RPAP3: variants seen among roughly 807,000 people sequenced by gnomAD.
RPAP3 encodes RNA polymerase II associated protein 3.
Under a neutral mutation model 88.8 loss-of-function variants are expected in RPAP3, and 58 were observed. The ratio of observed to expected loss-of-function variants is 0.65; its 90% CI spans 0.53 to 0.81. The LOEUF is 0.81. Among genes scored for constraint, RPAP3 ranks in the 40% least tolerant of loss-of-function variants. The pLI, the probability that RPAP3 is intolerant of heterozygous loss-of-function variation, is 0.00. For synonymous variants in RPAP3, 255 were observed against 259.9 expected, an observed-to-expected ratio of 0.98 and a Z score of 0.18; for missense variants, 751 against 764.3, an observed-to-expected ratio of 0.98 and a Z score of 0.20.
intron 15 of RPAP3, among the ~76,000 whole-genome samples, chr12:47,667,320 T>C (rs889184240): frequency 1.7e-4 from 26 of 152,204 alleles, no homozygotes; most frequent in African/African-American, 5.5e-4. Context: ...GTCATTTCCA[T>C]ACCCTACTTT....
At chr12:47,671,188 A>G (rs1362304794) in intron 12 of RPAP3, among the ~76,000 whole-genome samples, 2 of 152,190 alleles carry the variant, frequency 1.3e-5, no homozygotes, top group African/African-American at 4.8e-5. Context: ...TCTTCACTAT[A>G]TCATCATACC....
intron 12 of RPAP3, among the ~76,000 whole-genome samples, chr12:47,677,826 G>C (rs1939147372): frequency 6.6e-6 from 1 of 152,142 alleles, no homozygotes; most frequent in African/African-American, 2.4e-5. Context: ...ACTGCCCAAA[G>C]TAATTTATAG....
intron 9 of RPAP3, among the ~76,000 whole-genome samples, chr12:47,682,913 C>T (rs1442537202): frequency 3.3e-5 from 5 of 152,096 alleles, no homozygotes; most frequent in Non-Finnish European, 1.5e-5. Flanking sequence ...ACCTGCATGG[C>T]CCCCATACTT....
chr12:47,682,535 T>G (rs970459904), intron 9 of RPAP3, among the ~76,000 whole-genome samples: 17 of 152,188 alleles, frequency 1.1e-4, no homozygotes, highest in Admixed American at 9.2e-4. Context: ...CGTCATAATG[T>G]TTATGATTTG....
At chr12:47,704,681 AT>A (rs1939741186) in intron 1 of RPAP3, among the ~76,000 whole-genome samples, 1 of 151,234 alleles carries the variant, frequency 6.6e-6, no homozygotes, top group South Asian at 2.1e-4. Flanking sequence ...CCTGACCTCT[AT>A]TTAGAGTTTC....
At chr12:47,689,832 A>G (rs1432603619) in intron 6 of RPAP3, among the ~76,000 whole-genome samples, 1 of 152,134 alleles carries the variant, frequency 6.6e-6, no homozygotes, top group African/African-American at 2.4e-5. Flanking sequence ...ACCTGAAGTC[A>G]GGAGTCAAGA....
intron 12 of RPAP3, among the ~76,000 whole-genome samples, chr12:47,677,656 A>G (rs1211672841): frequency 6.6e-6 from 1 of 151,944 alleles, no homozygotes; most frequent in Non-Finnish European, 1.5e-5. Flanking sequence ...CTACAAAGAG[A>G]ATAATACAAT....
intron 12 of RPAP3, among the ~76,000 whole-genome samples, chr12:47,670,931 A>G (rs1938985172): frequency 6.6e-6 from 1 of 152,240 alleles, no homozygotes; most frequent in South Asian, 2.1e-4. Context: ...AATAACCAGC[A>G]TTATGTATGG....
intron 3 of RPAP3, chr12:47,699,255 T>C (rs771753946): frequency 2.6e-5 from 4 of 152,190 alleles, no homozygotes; most frequent in Non-Finnish European, 5.9e-5. Flanking sequence ...AATGAGTAAA[T>C]GCCAGTGTAG....
At chr12:47,687,290 AAAG>A (rs1939345128) in intron 8 of RPAP3, among the ~76,000 whole-genome samples, 1 of 152,182 alleles carries the variant, frequency 6.6e-6, no homozygotes, top group African/African-American at 2.4e-5. Flanking sequence ...AAATTTTGTG[AAAG>A]AATACAGTAC....
intron 12 of RPAP3, among the ~76,000 whole-genome samples, chr12:47,675,390 C>T (rs1013232633): frequency 6.6e-6 from 1 of 152,298 alleles, no homozygotes; most frequent in South Asian, 2.1e-4. Context: ...CAAATTCACA[C>T]ATAACAATAT....
chr12:47,688,090 T>C (rs1939360896), intron 7 of RPAP3, 89 bp from the exon 8 acceptor site: 1 of 1,098,764 alleles, frequency 9.1e-7, no homozygotes, highest in African/African-American at 1.6e-5. Context: ...CTCAAATATA[T>C]TAGAATTTCT....
chr12:47,675,317 T>A (rs141634449), intron 12 of RPAP3, among the ~76,000 whole-genome samples: 2 of 152,156 alleles, frequency 1.3e-5, no homozygotes, highest in Non-Finnish European at 2.9e-5. Context: ...AGACCATTGA[T>A]GCTAGGAAGA....
intron 10 of RPAP3, among the ~76,000 whole-genome samples, chr12:47,681,076 TCTA>T (rs1054550961): frequency 1.3e-4 from 19 of 150,214 alleles, no homozygotes; most frequent in African/African-American, 4.6e-4. Context: ...TCCACCAAGT[TCTA>T]CTAACTACCC....
intron 12 of RPAP3, among the ~76,000 whole-genome samples, chr12:47,675,134 A>T (rs923083128): frequency 6.6e-6 from 1 of 152,212 alleles, no homozygotes; most frequent in Admixed American, 6.5e-5. Flanking sequence ...AGAATTTCAT[A>T]TCTAGCCAAA....
At chr12:47,680,984 A>C (rs985129865) in intron 10 of RPAP3, among the ~76,000 whole-genome samples, 27 of 152,062 alleles carry the variant, frequency 1.8e-4, no homozygotes, top group African/African-American at 6.3e-4. Flanking sequence ...AAAAAAAAAA[A>C]AACAGGCTGA....
intron 9 of RPAP3, among the ~76,000 whole-genome samples, chr12:47,682,757 T>C (rs1426641083): frequency 6.6e-6 from 1 of 151,464 alleles, no homozygotes; most frequent in Admixed American, 6.6e-5. Flanking sequence ...CAAAACAAAA[T>C]CTCATATGAA....
chr12:47,694,176 C>T (rs1234241705), intron 5 of RPAP3, among the ~76,000 whole-genome samples: 1 of 152,146 alleles, frequency 6.6e-6, no homozygotes, highest in Non-Finnish European at 1.5e-5. Context: ...AATATTAAGA[C>T]TTACAATTAC....
At chr12:47,694,533 CT>C (rs1406142531) in intron 5 of RPAP3, among the ~76,000 whole-genome samples, 1 of 151,796 alleles carries the variant, frequency 6.6e-6, no homozygotes, top group Non-Finnish European at 1.5e-5. Flanking sequence ...TTGAATGTTT[CT>C]ATTCATTAAA....
Sources: allele counts gnomAD v4.1 joint callset (sites outside exome capture counted in the v4.1 genomes callset), GRCh38; gene constraint gnomAD v4.1.1; transcripts MANE v1.5; gene names NCBI Gene and HGNC (gene_info 2026-07-23, HGNC 2026-07-21).